DNM2: variants seen among roughly 807,000 people sequenced by gnomAD.
The protein encoded by DNM2 is dynamin 2.
In DNM2, 15 loss-of-function variants were observed where a neutral mutation model predicts 99.0. The ratio of observed to expected loss-of-function variants is 0.15; its 90% CI spans 0.10 to 0.23. DNM2 has a LOEUF of 0.23. Ranked by LOEUF, DNM2 falls within the 10% of genes least tolerant of loss-of-function variation. The pLI, the probability that DNM2 is intolerant of heterozygous loss-of-function variation, is 1.00. For missense variants in DNM2, 742 were observed against 1,189.4 expected, an observed-to-expected ratio of 0.62 and a Z score of 5.53; for synonymous variants, 525 against 481.2, an observed-to-expected ratio of 1.09 and a Z score of -1.19.
chr19:10,748,991 C>T (rs1232514993), intron 1 of DNM2, among the ~76,000 whole-genome samples: 2 of 152,194 alleles, frequency 1.3e-5, no homozygotes, highest in Non-Finnish European at 2.9e-5. Context: ...TGTGGTGTCA[C>T]GTGAGCCCTC....
rs1180700584 is a variant in DNM2 at position 10,764,976 on chromosome 19, T to C, written c.235+5165T>C. On this transcript the variant is annotated intron_variant, in intron 2 of 20. Transcript: ENST00000389253. The surrounding 1 kb of genome is among the most constrained non-coding windows in gnomAD (Gnocchi z 4.1). Reference sequence around the variant, plus strand: ...TTTTCTTTTTCTTTTTTTTTTTTTTTTGAGATGGAGTCTCGCTGTCGCCCA... The same window carrying C: ...TTTTCTTTTTCTTTTTTTTTTTTTTCTGAGATGGAGTCTCGCTGTCGCCCA... Among the ~76,000 whole-genome samples, 1 of 150,658 alleles carries C rather than the reference T, an allele frequency of 6.6e-6. No individual in the cohort carries two copies. Among genetic ancestry groups the C allele is most frequent in the Admixed American group, 6.6e-5 (1 of 15,182 alleles).
intron 3 of DNM2, among the ~76,000 whole-genome samples, chr19:10,773,234 G>A (rs1478540889): frequency 6.8e-6 from 1 of 146,304 alleles, no homozygotes; most frequent in African/African-American, 2.5e-5. Flanking sequence ...TGCAGTCTCC[G>A]CCTCCCAGGT....
intron 1 of DNM2, among the ~76,000 whole-genome samples, chr19:10,749,661 A>G (rs2070125356): frequency 1.3e-5 from 2 of 152,222 alleles, no homozygotes; most frequent in African/African-American, 4.8e-5. Context: ...GCCTGGCTCC[A>G]CAGTCTGGAT....
Position 10,775,637 on chromosome 19 carries a change from C to CTGCGGGCCTGTTTG in DNM2, c.386-62_386-49dup. 1 of 1,582,678 alleles carries CTGCGGGCCTGTTTG rather than the reference C, an allele frequency of 6.3e-7. No individual in the cohort carries two copies. The highest frequency in any genetic ancestry group is 8.7e-7 in the Non-Finnish European group (1 of 1,152,448). On this transcript the variant is annotated intron_variant, in intron 3 of 20. Transcript: ENST00000389253. This position sits in a 1 kb window ranked among gnomAD's most constrained non-coding sequence, Gnocchi z 4.3. ...GGAACTTTGGTAGTCAGCTGGGTGGCTGCGGGCCTGTTTGTGCCTCCCCTC... is the reference window on the plus strand; with the variant it reads ...GGAACTTTGGTAGTCAGCTGGGTGGCTGCGGGCCTGTTTGTGCGGGCCTGTTTGTGCCTCCCCTC...
At chr19:10,790,455 AT>A (rs2071714026) in intron 7 of DNM2, among the ~76,000 whole-genome samples, 1 of 151,960 alleles carries the variant, frequency 6.6e-6, no homozygotes, top group Admixed American at 6.6e-5. Flanking sequence ...ATTTTATTTT[AT>A]TTATGTATTT....
chr19:10,791,761 A>G (rs1419944280), intron 7 of DNM2, among the ~76,000 whole-genome samples: 7 of 151,702 alleles, frequency 4.6e-5, no homozygotes, highest in African/African-American at 7.3e-5. Flanking sequence ...GCCTTTGCTG[A>G]CCTTGGTCCT....
chr19:10,724,628 GGGA>G (rs1335697416), intron 1 of DNM2, among the ~76,000 whole-genome samples: 1 of 152,206 alleles, frequency 6.6e-6, no homozygotes, highest in Admixed American at 6.6e-5. Flanking sequence ...GGCCAGTGGA[GGGA>G]GATCAGATCT....
intron 5 of DNM2, among the ~76,000 whole-genome samples, chr19:10,777,647 T>TGTC (rs1404825033): frequency 6.6e-6 from 1 of 152,204 alleles, no homozygotes; most frequent in Non-Finnish European, 1.5e-5. Context: ...CAAGCTATAG[T>TGTC]ACAGTGGCAC....
chr19:10,783,221 G>A, intron 6 of DNM2, 101 bp downstream of exon 6: 2 of 1,554,200 alleles, frequency 1.3e-6, no homozygotes, highest in Non-Finnish European at 1.7e-6. Context: ...AGCAGCACTT[G>A]TTTTAGCAAA....
intron 5 of DNM2, among the ~76,000 whole-genome samples, chr19:10,779,622 C>T (rs1330133570): frequency 6.6e-6 from 1 of 151,066 alleles, no homozygotes; most frequent in Non-Finnish European, 1.5e-5. Flanking sequence ...ATCCTCCGAG[C>T]TCAGCCTCCC....
rs753279639 is a variant in DNM2, at chr19:10,812,471, G to A, written c.1671+94G>A. The A allele has an allele frequency of 5.3e-5, 55 of 1,028,944 alleles. No individual in the cohort carries two copies. Among genetic ancestry groups the A allele is most frequent in the Admixed American group, 1.0e-4 (5 of 48,552 alleles). 63.7% of individuals were successfully genotyped at this position (1,028,944 alleles called of 1,614,324 possible). ...CCTCTGGGCAGAACTCAGTCACTGC[G>A]CCACTCTGCCCTGAGTCACCATTAG... On this transcript the variant is annotated intron_variant, in intron 15 of 20. Coordinates refer to ENST00000389253, the MANE Select transcript of DNM2 (RefSeq NM_001005361.3). The surrounding 1 kb of genome is among the most constrained non-coding windows in gnomAD (Gnocchi z 4.0).
Position 10,725,792 on chromosome 19 carries a change from C to T in DNM2, c.161+7389C>T, listed in dbSNP as rs138121753. 2.3e-3 allele frequency among the ~76,000 whole-genome samples: 354 copies of T among 152,166 alleles called. 3 individuals are homozygous for T. The highest frequency in any genetic ancestry group is 7.6e-3 in the African/African-American group (314 of 41,514). ...GTACGTTTCTTTTCTCTTGCTCTGT[C>T]CCCCAGACTGGAGTACAGTGGCGTA... On this transcript the variant is annotated intron_variant, in intron 1 of 20. Transcript: ENST00000389253.
intron 18 of DNM2, among the ~76,000 whole-genome samples, chr19:10,826,000 A>C (rs2073132120): frequency 1.3e-5 from 2 of 151,940 alleles, no homozygotes; most frequent in Admixed American, 6.6e-5. Context: ...ATGCCACTGC[A>C]CTCCAGCCTG....
chr19:10,796,454 C>G lies in DNM2; in HGVS notation c.1197-926C>G, dbSNP rs867141113. Among the ~76,000 whole-genome samples the G allele has an allele frequency of 6.6e-6, 1 of 152,106 alleles. No individual in the cohort carries two copies. The highest frequency in any genetic ancestry group is 2.4e-5 in the African/African-American group (1 of 41,410). Reference sequence around the variant, plus strand: ...TTGTCCCTGGGACCCTGATACCAAGCCTAGCATGTGTCTGATGAAATTGGG... The same window carrying G: ...TTGTCCCTGGGACCCTGATACCAAGGCTAGCATGTGTCTGATGAAATTGGG... On this transcript the variant is annotated intron_variant, in intron 9 of 20. Coordinates refer to ENST00000389253, the MANE Select transcript of DNM2 (RefSeq NM_001005361.3). This position sits in a 1 kb window ranked among gnomAD's most constrained non-coding sequence, Gnocchi z 5.6.
chr19:10,765,356 C>T lies in DNM2; in HGVS notation c.235+5545C>T, dbSNP rs2070766110. 6.6e-6 allele frequency among the ~76,000 whole-genome samples: 1 copy of T among 152,246 alleles called. No individual in the cohort carries two copies. Among genetic ancestry groups the T allele is most frequent in the Non-Finnish European group, 1.5e-5 (1 of 68,040 alleles). On this transcript the variant is annotated intron_variant, in intron 2 of 20. Coordinates refer to ENST00000389253, the MANE Select transcript of DNM2 (RefSeq NM_001005361.3). The surrounding 1 kb of genome is among the most constrained non-coding windows in gnomAD (Gnocchi z 4.4). The stretch of plus-strand genomic sequence containing the variant: ...GGCCTGGCGCCGAGCAGGTGCTCCG[C>T]ATGCACGGCCGAGTGAACGAGCTCA...
At position 10,811,775 on chromosome 19, in the gene DNM2, C is replaced by T. The variant is rs761342671; in HGVS notation, c.1558-489C>T. The T allele has an allele frequency of 1.9e-6, 1 of 518,600 alleles. No homozygotes were observed. Among genetic ancestry groups the T allele is most frequent in the East Asian group, 5.5e-5 (1 of 18,348 alleles). The allele number at this position is 518,600 out of a possible 1,614,324, so 32.1% of individuals were successfully genotyped here. A position where few individuals can be genotyped will look rare whatever the true frequency, so the allele number is the denominator to read the frequency against. ...CAGCCTGAAACCCTGATGTGTCAGT[C>T]AAAAGGATGACCACCAGGCTTGCAG... is the stretch of plus-strand genomic sequence containing the variant. On this transcript the variant is annotated intron_variant, in intron 14 of 20. Coordinates refer to ENST00000389253, the MANE Select transcript of DNM2 (RefSeq NM_001005361.3). This position sits in a 1 kb window ranked among gnomAD's most constrained non-coding sequence, Gnocchi z 5.4.
At chr19:10,791,947 G>T (rs2071767757) in intron 7 of DNM2, among the ~76,000 whole-genome samples, 3 of 152,182 alleles carry the variant, frequency 2.0e-5, no homozygotes, top group Non-Finnish European at 4.4e-5. Context: ...AATTAGCTGG[G>T]CATGGTGGCG....
At chr19:10,756,991 A>C (rs542215022) in intron 1 of DNM2, among the ~76,000 whole-genome samples, 2 of 152,116 alleles carry the variant, frequency 1.3e-5, no homozygotes, top group Non-Finnish European at 2.9e-5. Flanking sequence ...ATTTGTTAAT[A>C]ATCTGGCTAA....
At chr19:10,733,708 T>C (rs2069418768) in intron 1 of DNM2, among the ~76,000 whole-genome samples, 1 of 151,814 alleles carries the variant, frequency 6.6e-6, no homozygotes, top group South Asian at 2.1e-4. Context: ...ACCTCTTCTC[T>C]AAAAATAAAT....
Sources: gnomAD v4.1 joint callset for allele counts (sites outside exome capture counted in the v4.1 genomes callset) on GRCh38, gnomAD v4.1.1 for gene constraint, Gnocchi (gnomAD v3.1) non-coding constraint, MANE v1.5 for transcripts, NCBI Gene and HGNC (gene_info 2026-07-23, HGNC 2026-07-21) for gene names.